Variants in FIGN observed in about 807,000 individuals in gnomAD.
FIGN encodes the protein fidgetin.
In FIGN, 11 loss-of-function variants were observed where a neutral mutation model predicts 51.3. The ratio of observed to expected loss-of-function variants is 0.21; its 90% confidence interval spans 0.13 to 0.35. The LOEUF (loss-of-function observed/expected upper bound fraction) is 0.35. Ranked by LOEUF, FIGN falls within the 10% of genes least tolerant of loss-of-function variation. FIGN has a pLI of 1.00. For missense variants in FIGN, 857 were observed against 943.6 expected, an observed-to-expected ratio of 0.91 and a Z score of 1.20; for synonymous variants, 407 against 363.2, an observed-to-expected ratio of 1.12 and a Z score of -1.37.
chr2:163,644,249 C>T (rs1049380234), intron 2 of FIGN, among the ~76,000 whole-genome samples: 25 of 151,992 alleles, frequency 1.6e-4, no homozygotes, highest in African/African-American at 5.8e-4. Context: ...AAGACAAATA[C>T]CCCAATTAAA....
intron 2 of FIGN, among the ~76,000 whole-genome samples, chr2:163,622,579 T>C (rs573846099): frequency 1.3e-5 from 2 of 152,174 alleles, no homozygotes; most frequent in Non-Finnish European, 2.9e-5. Context: ...TATTATTATT[T>C]GAGACAGGGT....
rs1309349687 is a variant in FIGN at position 163,660,866 on chromosome 2, T to C, written c.26-49060A>G. On this transcript the variant is annotated intron_variant, in intron 2 of 2. Coordinates refer to ENST00000333129, the MANE Select transcript of FIGN (RefSeq NM_018086.4). The stretch of plus-strand genomic sequence containing the variant: ...ACATATATATATGTATACATATATA[T>C]ATATATATATATATTTTTTTTTTTT... Among the ~76,000 whole-genome samples, 6 of 25,230 alleles carry C rather than the reference T, an allele frequency of 2.4e-4. 1 individual carries two copies. The highest frequency in any genetic ancestry group is 4.1e-4 in the Non-Finnish European group (6 of 14,670). The allele number at this position is 25,230 out of a possible 152,430, so 16.6% of individuals were successfully genotyped here. A position where few individuals can be genotyped will look rare whatever the true frequency, so the allele number is the denominator to read the frequency against.
chr2:163,688,254 A>G (rs528460907), intron 2 of FIGN, among the ~76,000 whole-genome samples: 1 of 152,308 alleles, frequency 6.6e-6, no homozygotes, highest in East Asian at 1.9e-4. Context: ...AATGAGACCT[A>G]TCGTGTGCTC....
At chr2:163,651,957 G>C (rs1364218626) in intron 2 of FIGN, among the ~76,000 whole-genome samples, 1 of 152,132 alleles carries the variant, frequency 6.6e-6, no homozygotes, top group Non-Finnish European at 1.5e-5. Context: ...AGTGAACTTA[G>C]GATATTCATT....
At chr2:163,654,943 C>G (rs1683536266) in intron 2 of FIGN, among the ~76,000 whole-genome samples, 1 of 152,088 alleles carries the variant, frequency 6.6e-6, no homozygotes, top group South Asian at 2.1e-4. Context: ...GACTGACAAA[C>G]CATAGAGGGC....
At chr2:163,690,044 A>G (rs898022613) in intron 2 of FIGN, among the ~76,000 whole-genome samples, 1 of 152,126 alleles carries the variant, frequency 6.6e-6, no homozygotes, top group Non-Finnish European at 1.5e-5. Flanking sequence ...TCTTCCAGTT[A>G]TGTCAGTCCC....
intron 2 of FIGN, among the ~76,000 whole-genome samples, chr2:163,718,576 C>G (rs1368824585): frequency 6.6e-6 from 1 of 152,090 alleles, no homozygotes; most frequent in Non-Finnish European, 1.5e-5. Flanking sequence ...ACATTTCAAC[C>G]TACTAAACAA....
intron 2 of FIGN, among the ~76,000 whole-genome samples, chr2:163,664,138 T>C (rs532658920): frequency 6.6e-6 from 1 of 152,266 alleles, no homozygotes; most frequent in South Asian, 2.1e-4. Flanking sequence ...ACTGAGGATG[T>C]AGATGAGGCA....
At chr2:163,643,758 A>C (rs536636645) in intron 2 of FIGN, among the ~76,000 whole-genome samples, 2 of 151,448 alleles carry the variant, frequency 1.3e-5, no homozygotes, top group Admixed American at 1.3e-4. Flanking sequence ...GTTTGAGACT[A>C]GCCTGGCCAA....
intron 2 of FIGN, among the ~76,000 whole-genome samples, chr2:163,648,500 A>G (rs1020946211): frequency 3.3e-5 from 5 of 152,184 alleles, no homozygotes; most frequent in Non-Finnish European, 1.5e-5. Context: ...GGGGTTCTTA[A>G]CCTGAGATTC....
rs910072471 is a variant in FIGN, at chr2:163,618,231, T to C, written c.26-6425A>G. 3.3e-5 allele frequency among the ~76,000 whole-genome samples: 5 copies of C among 152,220 alleles called. No homozygotes were observed. The East Asian group carries it at 7.7e-4, about 23-fold the overall frequency. ...ACTAAGAAATAAAGTACTTAGAGGT[T>C]GAAGACTAGTTAAAACTCATTTTAA... On this transcript the variant is annotated intron_variant, in intron 2 of 2. Coordinates refer to ENST00000333129, the MANE Select transcript of FIGN (RefSeq NM_018086.4).
intron 2 of FIGN, among the ~76,000 whole-genome samples, chr2:163,678,732 C>A (rs1684012624): frequency 6.6e-6 from 1 of 152,106 alleles, no homozygotes; most frequent in Non-Finnish European, 1.5e-5. Context: ...ACAAATAACA[C>A]CAGTCACTCT....
At chr2:163,612,034 C>T (rs1294454436) in intron 2 of FIGN, among the ~76,000 whole-genome samples, 1 of 152,178 alleles carries the variant, frequency 6.6e-6, no homozygotes, top group East Asian at 1.9e-4. Flanking sequence ...AAATATAACT[C>T]TGTAGTTACC....
rs1558995136 is a variant in FIGN at position 163,611,542 on chromosome 2, C to T, written c.290G>A (p.Gly97Glu). The stretch of plus-strand genomic sequence containing the variant: ...TTCATTTTTCCGACCGTTCACTAGT[C>T]CTGATGGTGTGTCCGAATAGTTGCT... ...VLSNYSDTPS[G>E]LVNGRKNESE... The change falls in exon 3 of 3, where the codon GGA becomes GAA. Residue 97 changes from glycine to glutamate, a missense_variant. Around this residue, in one of 3 missense-constraint regions of FIGN, gnomAD observed 799 missense variants for 849.5 expected, o/e 0.94. Coordinates refer to ENST00000333129, the MANE Select transcript of FIGN (RefSeq NM_018086.4). The T allele has an allele frequency of 6.2e-7, 1 of 1,614,226 alleles. No individual in the cohort carries two copies. The highest frequency in any genetic ancestry group is 2.2e-5 in the East Asian group (1 of 44,868).
rs1553498965 is a variant in FIGN at position 163,668,025 on chromosome 2, C to CCCA, written c.26-56220_26-56219insTGG. On this transcript the variant is annotated intron_variant, in intron 2 of 2. Coordinates refer to ENST00000333129, the MANE Select transcript of FIGN (RefSeq NM_018086.4). ...CACCCCTACCTCCAACCCCCCCCCC[C>CCCA]AAAAAACCCTCCACAAGTAACAAAC... Among the ~76,000 whole-genome samples, 37 of 144,522 alleles carry CCCA rather than the reference C, an allele frequency of 2.6e-4. 2 individuals carry two copies. The highest frequency in any genetic ancestry group is 2.4e-3 in the East Asian group (12 of 4,930). The allele number at this position is 144,522 out of a possible 152,430, so 94.8% of individuals were successfully genotyped here. A position where few individuals can be genotyped will look rare whatever the true frequency, so the allele number is the denominator to read the frequency against.
chr2:163,644,705 T>TA (rs1454951784), intron 2 of FIGN, among the ~76,000 whole-genome samples: 5 of 152,070 alleles, frequency 3.3e-5, no homozygotes, highest in Admixed American at 3.3e-4. Flanking sequence ...AGGAATGGAT[T>TA]AAAAAAAGTC....
At chr2:163,703,702 A>G (rs143381109) in intron 2 of FIGN, among the ~76,000 whole-genome samples, 1 of 152,152 alleles carries the variant, frequency 6.6e-6, no homozygotes, top group East Asian at 1.9e-4. Context: ...AGCTCAAATG[A>G]CCCTCATTGC....
Position 163,607,527 on chromosome 2 carries a change from T to G in FIGN, c.*2025A>C, listed in dbSNP as rs1022669036. On this transcript the variant is annotated 3_prime_UTR_variant, in exon 3 of 3. Transcript: ENST00000333129. ...GATAAGAAATCCCTCATGAGCTTTC[T>G]CTATGTTAAGTGTTTCAGAGAATTG... is the stretch of plus-strand genomic sequence containing the variant. 6.6e-6 allele frequency: 1 copy of G among 152,290 alleles called. No homozygotes were observed. The highest frequency in any genetic ancestry group is 2.4e-5 in the African/African-American group (1 of 41,316). 9.4% of individuals were successfully genotyped at this position (152,290 alleles called of 1,614,324 possible).
intron 2 of FIGN, among the ~76,000 whole-genome samples, chr2:163,682,327 A>T (rs1039517200): frequency 2.6e-5 from 4 of 152,210 alleles, no homozygotes; most frequent in African/African-American, 9.6e-5. Flanking sequence ...GATTCTAGTG[A>T]GTTTTAATTA....
Sources: gnomAD v4.1 joint callset for allele counts (sites outside exome capture counted in the v4.1 genomes callset) on GRCh38, gnomAD v4.1.1 for gene constraint, gnomAD v4.1.1 regional missense constraint, MANE v1.5 for transcripts, NCBI Gene and HGNC (gene_info 2026-07-23, HGNC 2026-07-21) for gene names.